Variants in ESRRG observed in about 807,000 individuals in gnomAD.
ESRRG encodes estrogen-related receptor gamma.
A neutral mutation model predicts 44.0 loss-of-function variants in ESRRG; 13 were observed. The observed-to-expected ratio is 0.30, with a 90% CI of 0.19 to 0.47. ESRRG has a LOEUF of 0.47. Among genes scored for constraint, ESRRG ranks in the 20% least tolerant of loss-of-function variants. The pLI, the probability that ESRRG is intolerant of heterozygous loss-of-function variation, is 1.00. For synonymous variants in ESRRG, 215 were observed against 214.6 expected, an observed-to-expected ratio of 1.00 and a Z score of -0.02; for missense variants, 395 against 580.6, an observed-to-expected ratio of 0.68 and a Z score of 3.29.
intron 3 of ESRRG, among the ~76,000 whole-genome samples, chr1:216,636,556 G>T (rs946111392): frequency 6.6e-6 from 1 of 152,124 alleles, no homozygotes; most frequent in East Asian, 1.9e-4. Context: ...AATCACTCTG[G>T]TCTCCCAGGA....
At chr1:216,607,202 A>G (rs1267215249) in intron 3 of ESRRG, among the ~76,000 whole-genome samples, 1 of 152,310 alleles carries the variant, frequency 6.6e-6, no homozygotes, top group East Asian at 1.9e-4. Context: ...GTTCCAGCTG[A>G]ATGCTGACCA....
At chr1:216,704,952 T>G (rs1006619523) in intron 1 of ESRRG, among the ~76,000 whole-genome samples, 1 of 152,210 alleles carries the variant, frequency 6.6e-6, no homozygotes, top group Non-Finnish European at 1.5e-5. Flanking sequence ...TAGCTCTTCC[T>G]AGTCCACAAT....
intron 1 of ESRRG, among the ~76,000 whole-genome samples, chr1:216,970,825 C>CA (rs1290775491): frequency 6.6e-6 from 1 of 152,140 alleles, no homozygotes; most frequent in Non-Finnish European, 1.5e-5. Flanking sequence ...TGCTGGGAGC[C>CA]AAAATTGTGG....
chr1:216,670,165 C>A (rs1378030792), intron 2 of ESRRG, among the ~76,000 whole-genome samples: 2 of 152,192 alleles, frequency 1.3e-5, no homozygotes, highest in African/African-American at 4.8e-5. Context: ...ATCATGTACA[C>A]TCAATTTGTA....
chr1:216,570,035 C>T (rs1335114578), intron 3 of ESRRG, among the ~76,000 whole-genome samples: 3 of 152,154 alleles, frequency 2.0e-5, no homozygotes, highest in African/African-American at 7.2e-5. Context: ...TGAATATTTA[C>T]AGTGAATATA....
At chr1:216,544,873 T>A (rs2054005443) in intron 5 of ESRRG, among the ~76,000 whole-genome samples, 1 of 151,936 alleles carries the variant, frequency 6.6e-6, no homozygotes, top group African/African-American at 2.4e-5. Context: ...TTAATAAAAA[T>A]TTCTGCATAA....
intron 2 of ESRRG, among the ~76,000 whole-genome samples, chr1:216,764,851 G>A (rs2092994165): frequency 6.6e-6 from 1 of 151,994 alleles, no homozygotes; most frequent in Non-Finnish European, 1.5e-5. Context: ...GATGCTGCAG[G>A]AACCCAGGGT....
chr1:216,633,479 G>T (rs1323629715), intron 3 of ESRRG, among the ~76,000 whole-genome samples: 3 of 152,184 alleles, frequency 2.0e-5, no homozygotes, highest in Non-Finnish European at 1.5e-5. Context: ...AGCAAGCATT[G>T]TACATATGCT....
chr1:216,594,781 GTCAC>G (rs1456713091), intron 3 of ESRRG, among the ~76,000 whole-genome samples: 2 of 152,328 alleles, frequency 1.3e-5, no homozygotes, highest in Middle Eastern at 3.4e-3. Context: ...GCACACAGCA[GTCAC>G]TCAGTAAATA....
chr1:216,709,753 T>C (rs2083226717), intron 1 of ESRRG, among the ~76,000 whole-genome samples: 1 of 152,090 alleles, frequency 6.6e-6, no homozygotes, highest in Non-Finnish European at 1.5e-5. Context: ...ATTGTACTTA[T>C]TTGTGGTTTG....
chr1:216,589,079 G>A (rs1030907288), intron 3 of ESRRG, among the ~76,000 whole-genome samples: 3 of 152,198 alleles, frequency 2.0e-5, no homozygotes, highest in African/African-American at 7.2e-5. Context: ...AGTTTCTAAA[G>A]AAAGATAAGA....
At chr1:216,937,090 T>C (rs1256133066) in intron 2 of ESRRG, among the ~76,000 whole-genome samples, 1 of 152,012 alleles carries the variant, frequency 6.6e-6, no homozygotes, top group African/African-American at 2.4e-5. Context: ...AAGATATTTT[T>C]CAAGTACTCT....
chr1:216,588,836 AC>A (rs1165541845), intron 3 of ESRRG, among the ~76,000 whole-genome samples: 4 of 152,146 alleles, frequency 2.6e-5, no homozygotes, highest in African/African-American at 9.7e-5. Context: ...GATTCTCCCC[AC>A]CCCCAAAACA....
intron 3 of ESRRG, among the ~76,000 whole-genome samples, chr1:216,597,618 C>T (rs898365724): frequency 1.3e-5 from 2 of 152,174 alleles, no homozygotes; most frequent in African/African-American, 4.8e-5. Flanking sequence ...CAGTGACTAT[C>T]ATATTAGACA....
intron 1 of ESRRG, among the ~76,000 whole-genome samples, chr1:217,027,631 A>G (rs2081422897): frequency 6.6e-6 from 1 of 152,180 alleles, no homozygotes. Context: ...AACTGGAATT[A>G]AAGCTATATG....
intron 1 of ESRRG, among the ~76,000 whole-genome samples, chr1:216,966,002 T>C (rs972303991): frequency 9.2e-5 from 14 of 152,166 alleles, no homozygotes; most frequent in Non-Finnish European, 1.9e-4. Context: ...GCATTTCTAA[T>C]GCGCTCCAAA....
At chr1:216,669,823 T>C (rs2074782756) in intron 2 of ESRRG, among the ~76,000 whole-genome samples, 1 of 152,098 alleles carries the variant, frequency 6.6e-6, no homozygotes, top group Admixed American at 6.5e-5. Flanking sequence ...GAGGTGGACA[T>C]TGCATTGAGC....
chr1:216,802,774 G>A lies in ESRRG; in HGVS notation c.-13-125283C>T, dbSNP rs11572595. ...CCAAGAAGCACTTAATATGTGCTAA[G>A]CACCAGGCTGGGAACTTAATTCACT... On this transcript the variant is annotated intron_variant, in intron 2 of 7. Transcript: ENST00000359162. Among the ~76,000 whole-genome samples the A allele has an allele frequency of 3.0e-3, 462 of 152,224 alleles. 10 individuals carry two copies. The East Asian group carries it at 0.04, about 13-fold the overall frequency.
intron 2 of ESRRG, among the ~76,000 whole-genome samples, chr1:216,798,676 T>C (rs564878898): frequency 6.6e-6 from 1 of 152,274 alleles, no homozygotes; most frequent in Admixed American, 6.5e-5. Flanking sequence ...ATTGAGGTGA[T>C]TGTAGCTTGG....
Sources: allele counts gnomAD v4.1 joint callset (sites outside exome capture counted in the v4.1 genomes callset), GRCh38; gene constraint gnomAD v4.1.1; transcripts MANE v1.5; gene names NCBI Gene and HGNC (gene_info 2026-07-23, HGNC 2026-07-21).